Variants in LMBR1 observed in about 807,000 individuals in gnomAD.
The protein encoded by LMBR1 is limb development membrane protein 1.
A neutral mutation model predicts 73.9 loss-of-function variants in LMBR1; 52 were observed. That is an observed-to-expected ratio of 0.70 (90% CI 0.56 to 0.89). LMBR1 has a LOEUF of 0.89. Among genes scored for constraint, LMBR1 ranks in the 40% least tolerant of loss-of-function variants. LMBR1 has a pLI of 0.00. For missense variants in LMBR1, 539 were observed against 579.8 expected (o/e 0.93, Z 0.72); for synonymous variants, 215 against 209.4 (o/e 1.03, Z -0.23).
At chr7:156,721,319 A>G (rs1054934094) in intron 15 of LMBR1, among the ~76,000 whole-genome samples, 1 of 151,962 alleles carries the variant, frequency 6.6e-6, no homozygotes, top group Non-Finnish European at 1.5e-5. Flanking sequence ...GAATAACACA[A>G]AAAATCAACG....
chr7:156,685,579 T>C lies in LMBR1; in HGVS notation c.1388-1416A>G, dbSNP rs1249547997. The stretch of plus-strand genomic sequence containing the variant: ...GCACATATCTGTGCATCTAGAAACA[T>C]ATGAACCTAGAAAAGCTGATGCGTG... On this transcript the variant is annotated intron_variant, in intron 16 of 16. Coordinates refer to ENST00000353442, the MANE Select transcript of LMBR1 (RefSeq NM_022458.4). This position sits in a 1 kb window ranked among gnomAD's most constrained non-coding sequence, Gnocchi z 4.1. Among the ~76,000 whole-genome samples, 2 of 152,152 alleles carry C rather than the reference T, an allele frequency of 1.3e-5. No individual in the cohort carries two copies. Among genetic ancestry groups the C allele is most frequent in the Admixed American group, 6.5e-5 (1 of 15,282 alleles).
intron 15 of LMBR1, among the ~76,000 whole-genome samples, chr7:156,697,552 T>A (rs898008236): frequency 6.6e-6 from 1 of 152,126 alleles, no homozygotes; most frequent in African/African-American, 2.4e-5. Flanking sequence ...AGGAATGCAT[T>A]CTTTTCCCAA....
At chr7:156,790,750 T>C (rs1829070541) in intron 5 of LMBR1, among the ~76,000 whole-genome samples, 1 of 152,156 alleles carries the variant, frequency 6.6e-6, no homozygotes, top group Non-Finnish European at 1.5e-5. Context: ...TAAATGATTT[T>C]CAATTCAAAA....
At chr7:156,842,679 A>G (rs1563510032) in intron 1 of LMBR1, among the ~76,000 whole-genome samples, 1 of 152,184 alleles carries the variant, frequency 6.6e-6, no homozygotes, top group Non-Finnish European at 1.5e-5. Context: ...GGAGTATGTA[A>G]ATCATATGGG....
chr7:156,830,821 C>G (rs1231888812), intron 3 of LMBR1, among the ~76,000 whole-genome samples: 4 of 152,212 alleles, frequency 2.6e-5, no homozygotes, highest in African/African-American at 9.7e-5. Context: ...TCAGGTGGGG[C>G]TCCCTCACTA....
chr7:156,675,908 C>A, downstream of LMBR1: 1 of 1,583,294 alleles, frequency 6.3e-7, no homozygotes. Context: ...TCAGCTGCAG[C>A]TGCAGAGGCT....
At chr7:156,676,126 G>A, downstream of LMBR1, 2 of 892,158 alleles carry the variant, frequency 2.2e-6, no homozygotes, top group Non-Finnish European at 3.3e-6. Flanking sequence ...ATGGGCTTTA[G>A]GGTGACGGCA....
chr7:156,821,199 G>A (rs1385733852), intron 4 of LMBR1, among the ~76,000 whole-genome samples: 1 of 152,188 alleles, frequency 6.6e-6, no homozygotes, highest in Non-Finnish European at 1.5e-5. Context: ...GGCCTAAGTA[G>A]GCCCTAAAGG....
At chr7:156,866,194 G>A (rs1422373816) in intron 1 of LMBR1, among the ~76,000 whole-genome samples, 4 of 152,108 alleles carry the variant, frequency 2.6e-5, no homozygotes, top group Non-Finnish European at 5.9e-5. Flanking sequence ...GGGGTCTTAT[G>A]TCTAGATTAT....
At chr7:156,866,605 A>ATTT (rs112143582) in intron 1 of LMBR1, among the ~76,000 whole-genome samples, 13 of 137,784 alleles carry the variant, frequency 9.4e-5, no homozygotes, top group Admixed American at 1.5e-4. Context: ...TTTTCTGGGG[A>ATTT]TTTTTTTTTT....
At chr7:156,852,187 C>T (rs1006647398) in intron 1 of LMBR1, among the ~76,000 whole-genome samples, 60 of 152,208 alleles carry the variant, frequency 3.9e-4, no homozygotes, top group African/African-American at 1.4e-3. Context: ...TAACAATAAA[C>T]ACCAGAGGAA....
At chr7:156,828,937 G>A (rs1387273173) in intron 3 of LMBR1, among the ~76,000 whole-genome samples, 3 of 152,244 alleles carry the variant, frequency 2.0e-5, no homozygotes, top group East Asian at 1.9e-4. Context: ...AGTACCAGGC[G>A]TTATCAGTAC....
chr7:156,792,998 G>A (rs893080564), intron 5 of LMBR1, among the ~76,000 whole-genome samples: 1 of 151,910 alleles, frequency 6.6e-6, no homozygotes, highest in African/African-American at 2.4e-5. Flanking sequence ...CTACCCATTA[G>A]AAATGTTTCT....
chr7:156,735,795 C>G (rs1817754341), intron 9 of LMBR1, among the ~76,000 whole-genome samples: 1 of 152,070 alleles, frequency 6.6e-6, no homozygotes, highest in Non-Finnish European at 1.5e-5. Flanking sequence ...TACTTACATA[C>G]ATTTATACAC....
chr7:156,756,423 C>G lies in LMBR1; in HGVS notation c.727G>C (p.Glu243Gln), dbSNP rs1311432740. Residue 243 changes from glutamate to glutamine, a missense_variant, in exon 9 of 17, where the codon GAG becomes CAG. Around this residue, in one of 3 missense-constraint regions of LMBR1, gnomAD observed 454 missense variants for 473.4 expected, o/e 0.96. Coordinates refer to ENST00000353442, the MANE Select transcript of LMBR1 (RefSeq NM_022458.4). ...LDEQIYIITL[E>Q]EEALQRRLNG... ...AGTCGTCTCTGGAGTGCTTCTTCCT[C>G]TAAGGTAATGATATAAATTTGTTCA... 1.3e-6 allele frequency: 2 copies of G among 1,501,702 alleles called. No individual in the cohort carries two copies. Among genetic ancestry groups the G allele is most frequent in the South Asian group, 2.3e-5 (2 of 85,306 alleles). 93.0% of individuals were successfully genotyped at this position (1,501,702 alleles called of 1,614,324 possible).
intron 3 of LMBR1, among the ~76,000 whole-genome samples, chr7:156,831,621 AT>A (rs1836710687): frequency 6.6e-6 from 1 of 152,102 alleles, no homozygotes; most frequent in Admixed American, 6.5e-5. Flanking sequence ...TTCTGTATGC[AT>A]CCCCAGGATA....
At chr7:156,795,166 C>T (rs972415526) in intron 5 of LMBR1, among the ~76,000 whole-genome samples, 1 of 152,142 alleles carries the variant, frequency 6.6e-6, no homozygotes, top group African/African-American at 2.4e-5. Flanking sequence ...CTAGCAAACC[C>T]CTGCTCATCC....
downstream of LMBR1, chr7:156,675,660 C>T: frequency 6.3e-7 from 1 of 1,589,724 alleles, no homozygotes; most frequent in Admixed American, 1.7e-5. Context: ...CCACCGAGCT[C>T]AGGTGTGAGC....
At chr7:156,862,447 A>G (rs1195043517) in intron 1 of LMBR1, among the ~76,000 whole-genome samples, 1 of 152,112 alleles carries the variant, frequency 6.6e-6, no homozygotes, top group Admixed American at 6.5e-5. Flanking sequence ...TGTGGATCAT[A>G]CACCTAAATG....
Sources: allele counts gnomAD v4.1 joint callset (sites outside exome capture counted in the v4.1 genomes callset), GRCh38; gene constraint gnomAD v4.1.1; regional missense constraint gnomAD v4.1.1; non-coding constraint Gnocchi (gnomAD v3.1); transcripts MANE v1.5; gene names NCBI Gene and HGNC (gene_info 2026-07-23, HGNC 2026-07-21).